DPP10: variants seen among roughly 807,000 people sequenced by gnomAD.
The protein encoded by DPP10 is dipeptidyl peptidase like 10.
In DPP10, 33 loss-of-function variants were observed where a neutral mutation model predicts 120.9. The observed-to-expected ratio is 0.27, with a 90% CI of 0.21 to 0.37. The LOEUF is 0.37. DPP10 is among the 10% of genes least tolerant of loss of function. The pLI is 1.00. For synonymous variants in DPP10, 337 were observed against 326.1 expected (o/e 1.03, Z -0.36); for missense variants, 816 against 942.8 (o/e 0.87, Z 1.76).
intron 1 of DPP10, among the ~76,000 whole-genome samples, chr2:115,200,959 A>G (rs1454810601): frequency 6.6e-6 from 1 of 152,230 alleles, no homozygotes; most frequent in African/African-American, 2.4e-5. Flanking sequence ...AGAGGAAGAA[A>G]ACAGGAAATG....
At chr2:114,988,338 T>G (rs1471322425) in intron 1 of DPP10, among the ~76,000 whole-genome samples, 1 of 152,210 alleles carries the variant, frequency 6.6e-6, no homozygotes, top group Admixed American at 6.5e-5. Context: ...AAATGATCAT[T>G]TTGTAAATAA....
chr2:114,917,758 A>T (rs1297447757), intron 1 of DPP10, among the ~76,000 whole-genome samples: 1 of 152,148 alleles, frequency 6.6e-6, no homozygotes, highest in East Asian at 1.9e-4. Context: ...AGCCACATGC[A>T]GAAGACTGAA....
At chr2:115,388,465 A>G (rs1015526359) in intron 3 of DPP10, among the ~76,000 whole-genome samples, 75 of 152,290 alleles carry the variant, frequency 4.9e-4, no homozygotes, top group African/African-American at 1.3e-3. Context: ...ATAGTAAGTC[A>G]GGTGAGAGAT....
intron 1 of DPP10, among the ~76,000 whole-genome samples, chr2:114,583,685 T>A (rs770850076): frequency 1.2e-4 from 18 of 152,212 alleles, no homozygotes; most frequent in Admixed American, 3.3e-4. Context: ...AAGGTGAATT[T>A]ATTTGGCTAT....
At chr2:115,011,961 G>C (rs1702296436) in intron 1 of DPP10, among the ~76,000 whole-genome samples, 1 of 151,940 alleles carries the variant, frequency 6.6e-6, no homozygotes, top group Admixed American at 6.6e-5. Context: ...AGTGAGACCA[G>C]CCTTTAGGAC....
intron 5 of DPP10, among the ~76,000 whole-genome samples, chr2:115,675,585 A>G (rs550323911): frequency 6.6e-6 from 1 of 152,302 alleles, no homozygotes; most frequent in South Asian, 2.1e-4. Context: ...CAGAGCCAAG[A>G]GGTACTCCCC....
At chr2:114,870,218 C>A (rs1468550003) in intron 1 of DPP10, among the ~76,000 whole-genome samples, 1 of 151,994 alleles carries the variant, frequency 6.6e-6, no homozygotes, top group Non-Finnish European at 1.5e-5. Context: ...AGTTTGTGAC[C>A]TTGGACAAAC....
chr2:114,799,765 G>A (rs548124873), intron 1 of DPP10, among the ~76,000 whole-genome samples: 1 of 152,284 alleles, frequency 6.6e-6, no homozygotes, highest in South Asian at 2.1e-4. Context: ...AAATACCTAA[G>A]AAGTAGCTTT....
intron 5 of DPP10, among the ~76,000 whole-genome samples, chr2:115,598,912 A>C (rs1440083399): frequency 5.9e-5 from 9 of 151,314 alleles, no homozygotes; most frequent in Admixed American, 5.9e-4. Context: ...TTCGATATTA[A>C]TTTTTGAAAC....
rs548951011 is a variant in DPP10 at position 115,584,928 on chromosome 2, T to C, written c.441+58956T>C. 2.6e-5 allele frequency among the ~76,000 whole-genome samples: 4 copies of C among 152,324 alleles called. No homozygotes were observed. In the South Asian group the frequency reaches 6.2e-4, roughly 24 times the overall value. ...TTGAAAGATGCTTTGTTTAAGGAAA[T>C]AAGATATTTTGCAATTTACACTATG... On this transcript the variant is annotated intron_variant, in intron 5 of 25. Transcript: ENST00000410059.
intron 1 of DPP10, among the ~76,000 whole-genome samples, chr2:114,891,325 CCTGTGACAAATG>C (rs1247870548): frequency 6.6e-6 from 1 of 152,116 alleles, no homozygotes; most frequent in East Asian, 1.9e-4. Context: ...TTTCACAAAT[CCTGTGACAAATG>C]CTGTTTGCCA....
At chr2:114,848,215 A>G (rs1688688702) in intron 1 of DPP10, among the ~76,000 whole-genome samples, 1 of 152,152 alleles carries the variant, frequency 6.6e-6, no homozygotes, top group Non-Finnish European at 1.5e-5. Context: ...GTTTGTGAAG[A>G]AGCAATTTCT....
chr2:114,974,329 A>G (rs1699603759), intron 1 of DPP10, among the ~76,000 whole-genome samples: 1 of 152,098 alleles, frequency 6.6e-6, no homozygotes, highest in Non-Finnish European at 1.5e-5. Flanking sequence ...TGCATTATTC[A>G]GTAGAGTAAC....
rs2063575697 is a variant in DPP10 at position 115,343,907 on chromosome 2, T to C, written c.266T>C (p.Ile89Thr). Residue 89 changes from isoleucine (I) to threonine (T), a missense_variant, in exon 3 of 26, where the codon ATC becomes ACC. Transcript: ENST00000410059. ...FVLHDPEARW[I>T]NDTDVVYKSE... ...CTTCACGATCCAGAGGCTCGGTGGA[T>C]CAATGGTAAGTGTATACCTTTTTAA... is the stretch of plus-strand genomic sequence containing the variant. 6.2e-7 allele frequency: 1 copy of C among 1,609,946 alleles called. No individual in the cohort carries two copies. Among genetic ancestry groups the C allele is most frequent in the African/African-American group, 1.3e-5 (1 of 74,710 alleles).
At chr2:114,596,722 A>G (rs1457573182) in intron 1 of DPP10, among the ~76,000 whole-genome samples, 2 of 151,832 alleles carry the variant, frequency 1.3e-5, no homozygotes, top group African/African-American at 2.4e-5. Context: ...TTTCCTAATG[A>G]TAAAACTGAG....
intron 1 of DPP10, among the ~76,000 whole-genome samples, chr2:115,034,190 C>T (rs1002201894): frequency 2.0e-5 from 3 of 152,050 alleles, no homozygotes; most frequent in Admixed American, 6.6e-5. Flanking sequence ...CCACTGCTCC[C>T]GGCCTGGCCA....
At chr2:114,802,969 A>G (rs1684391021) in intron 1 of DPP10, among the ~76,000 whole-genome samples, 1 of 152,088 alleles carries the variant, frequency 6.6e-6, no homozygotes, top group Non-Finnish European at 1.5e-5. Context: ...TTTTTTCAGG[A>G]GTCACTGAAT....
At chr2:115,526,787 C>T (rs1027199322) in intron 5 of DPP10, among the ~76,000 whole-genome samples, 5 of 151,980 alleles carry the variant, frequency 3.3e-5, no homozygotes, top group Admixed American at 6.6e-5. Context: ...TTTCACAGTT[C>T]GAAAGAACTG....
chr2:115,036,465 C>A (rs894065061), intron 1 of DPP10, among the ~76,000 whole-genome samples: 2 of 152,120 alleles, frequency 1.3e-5, no homozygotes, highest in African/African-American at 2.4e-5. Flanking sequence ...ATTATAAGAG[C>A]AAGAATTTTT....
Sources: gnomAD v4.1 joint callset for allele counts (sites outside exome capture counted in the v4.1 genomes callset) on GRCh38, gnomAD v4.1.1 for gene constraint, MANE v1.5 for transcripts, NCBI Gene and HGNC (gene_info 2026-07-23, HGNC 2026-07-21) for gene names.